AGBL1: variants seen among roughly 807,000 people sequenced by gnomAD.
AGBL1 encodes cytosolic carboxypeptidase 4.
In AGBL1, 130 loss-of-function variants were observed where a neutral mutation model predicts 118.9. That is an observed-to-expected ratio of 1.09 (90% CI 0.95 to 1.26). The LOEUF is 1.26. AGBL1 is among the 50% of genes most tolerant of loss of function. AGBL1 has a pLI of 0.00. For synonymous variants in AGBL1, 555 were observed against 478.9 expected (o/e 1.16, Z -2.08); for missense variants, 1,584 against 1,298.1 (o/e 1.22, Z -3.38).
At chr15:86,813,455 TAAG>T (rs773126144) in intron 22 of AGBL1, among the ~76,000 whole-genome samples, 3 of 152,334 alleles carry the variant, frequency 2.0e-5, no homozygotes, top group Non-Finnish European at 4.4e-5. Flanking sequence ...CTTCCTTTTA[TAAG>T]AAGAGTCATA....
chr15:86,210,090 A>G (rs1369983752), intron 5 of AGBL1, among the ~76,000 whole-genome samples: 1 of 152,154 alleles, frequency 6.6e-6, no homozygotes, highest in Non-Finnish European at 1.5e-5. Context: ...GTTTGGCCGG[A>G]TATGAAATTC....
chr15:86,942,902 A>G (rs962385787), intron 23 of AGBL1, among the ~76,000 whole-genome samples: 1 of 152,164 alleles, frequency 6.6e-6, no homozygotes, highest in Non-Finnish European at 1.5e-5. Flanking sequence ...TGCCTTTTAA[A>G]TTTTGTATTA....
chr15:86,154,604 T>G (rs772624377), intron 4 of AGBL1, 43 bp downstream of exon 4: 2 of 1,573,070 alleles, frequency 1.3e-6, no homozygotes, highest in South Asian at 1.2e-5. Flanking sequence ...CTTCCAAACC[T>G]GGGCTGGGAC....
intron 22 of AGBL1, among the ~76,000 whole-genome samples, chr15:86,760,147 A>G (rs1189452124): frequency 6.6e-6 from 1 of 152,066 alleles, no homozygotes; most frequent in African/African-American, 2.4e-5. Flanking sequence ...TTTAGTATTA[A>G]GAGAATGAGG....
intron 17 of AGBL1, among the ~76,000 whole-genome samples, chr15:86,305,253 C>A (rs2079819803): frequency 1.3e-5 from 2 of 152,066 alleles, no homozygotes; most frequent in African/African-American, 4.8e-5. Context: ...ATGTGGTTTT[C>A]ATAAAGCAAA....
At chr15:86,872,463 T>C (rs11638028) in intron 22 of AGBL1, among the ~76,000 whole-genome samples, 3,149 of 152,154 alleles carry the variant, frequency 0.021, 58 homozygotes, top group Non-Finnish European at 0.03. Flanking sequence ...TCTAAAAATA[T>C]AGACAAGAGG....
Position 86,696,911 on chromosome 15 carries a change from G to A in AGBL1, c.3158+22475G>A, listed in dbSNP as rs563219116. ...GGTTGATAATTGTTTTGTTTAAGGA[G>A]GCTGAAGATAGGGCCCCAATCCTTT... On this transcript the variant is annotated intron_variant, in intron 22 of 22. Transcript: ENST00000614907. 2.0e-5 allele frequency among the ~76,000 whole-genome samples: 3 copies of A among 151,930 alleles called. No individual in the cohort carries two copies. The East Asian group carries it at 5.8e-4, about 29-fold the overall frequency.
rs1487876263 is a variant in AGBL1, at chr15:86,914,937, A to AAAG, written c.*7644_*7646dup. Reference sequence around the variant, plus strand: ...GCTCCTTTTCAAACTCAACAGGTTCAAAGTCAAAATCTCCTCCCAACAAAA... The same window carrying AAAG: ...GCTCCTTTTCAAACTCAACAGGTTCAAAGAAGTCAAAATCTCCTCCCAACAAAA... On this transcript the variant is annotated 3_prime_UTR_variant, in exon 23 of 23. Transcript: ENST00000614907. The AAAG allele has an allele frequency of 6.6e-6, 1 of 152,184 alleles. No homozygotes were observed. Among genetic ancestry groups the AAAG allele is most frequent in the Non-Finnish European group, 1.5e-5 (1 of 68,032 alleles). 9.4% of individuals were successfully genotyped at this position (152,184 alleles called of 1,614,324 possible). A position where few individuals can be genotyped will look rare whatever the true frequency, so the allele number is the denominator to read the frequency against.
intron 18 of AGBL1, among the ~76,000 whole-genome samples, chr15:86,501,414 C>T (rs1004979498): frequency 2.0e-5 from 3 of 151,476 alleles, no homozygotes; most frequent in African/African-American, 7.3e-5. Context: ...TTTTCACTTT[C>T]TTGATAGTGT....
At chr15:86,562,413 G>A (rs2083839165) in intron 21 of AGBL1, among the ~76,000 whole-genome samples, 1 of 152,158 alleles carries the variant, frequency 6.6e-6, no homozygotes, top group Admixed American at 6.5e-5. Flanking sequence ...TGTGGTTTTT[G>A]TCTTTGCTTC....
intron 24 of AGBL1, among the ~76,000 whole-genome samples, chr15:87,027,983 G>A (rs1334763310): frequency 2.0e-5 from 3 of 151,450 alleles, no homozygotes; most frequent in Non-Finnish European, 4.4e-5. Context: ...AACCACCATG[G>A]CACATGTTTA....
At chr15:86,592,462 GT>G (rs1297435945) in intron 21 of AGBL1, among the ~76,000 whole-genome samples, 4 of 152,200 alleles carry the variant, frequency 2.6e-5, no homozygotes, top group African/African-American at 4.8e-5. Context: ...CCCTTAACTT[GT>G]TTTGTACATT....
chr15:86,383,528 A>C (rs1456197924), intron 17 of AGBL1, among the ~76,000 whole-genome samples: 1 of 152,172 alleles, frequency 6.6e-6, no homozygotes, highest in Non-Finnish European at 1.5e-5. Context: ...TAGAGGTTGC[A>C]GTGAGCTGGG....
At chr15:86,164,085 CAG>C (rs1481305043) in intron 5 of AGBL1, among the ~76,000 whole-genome samples, 3 of 152,216 alleles carry the variant, frequency 2.0e-5, no homozygotes, top group Middle Eastern at 3.2e-3. Flanking sequence ...GAAAAAAGTT[CAG>C]AGTCTTTTAG....
intron 1 of AGBL1, among the ~76,000 whole-genome samples, chr15:86,106,357 A>C (rs996896988): frequency 1.1e-4 from 17 of 152,314 alleles, no homozygotes; most frequent in Admixed American, 9.8e-4. Context: ...CTGGGGGAGC[A>C]TGGAGAAGGA....
intron 23 of AGBL1, among the ~76,000 whole-genome samples, chr15:86,928,167 A>G (rs917140873): frequency 6.6e-6 from 1 of 152,224 alleles, no homozygotes; most frequent in Admixed American, 6.5e-5. Context: ...TTGAAAAGTC[A>G]TAAGGCAATT....
chr15:86,400,615 C>T (rs1178027613), intron 18 of AGBL1, among the ~76,000 whole-genome samples: 2 of 141,490 alleles, frequency 1.4e-5, no homozygotes, highest in Non-Finnish European at 1.5e-5. Flanking sequence ...CCCCCCAACT[C>T]TTCCCCCACA....
At chr15:86,492,767 A>T (rs2082800438) in intron 18 of AGBL1, among the ~76,000 whole-genome samples, 1 of 152,132 alleles carries the variant, frequency 6.6e-6, no homozygotes, top group Non-Finnish European at 1.5e-5. Flanking sequence ...GAAGAAGAAG[A>T]TCAGGGAAAG....
chr15:86,504,227 A>G (rs1177357163), intron 18 of AGBL1, among the ~76,000 whole-genome samples: 1 of 151,602 alleles, frequency 6.6e-6, no homozygotes, highest in Admixed American at 6.6e-5. Flanking sequence ...TGATAGTCCT[A>G]TAGCCACTCT....
Sources: allele counts gnomAD v4.1 joint callset (sites outside exome capture counted in the v4.1 genomes callset), GRCh38; gene constraint gnomAD v4.1.1; transcripts MANE v1.5; gene names NCBI Gene and HGNC (gene_info 2026-07-23, HGNC 2026-07-21).